The following PSD3 variants were observed in gnomAD, a reference collection of about 807,000 sequenced individuals.
PSD3 encodes the protein PH and SEC7 domain-containing protein 3.
In PSD3, 49 loss-of-function variants were observed where a neutral mutation model predicts 105.5. The ratio of observed to expected loss-of-function variants is 0.46; its 90% CI spans 0.37 to 0.59. PSD3 has a LOEUF of 0.59. Among genes scored for constraint, PSD3 ranks in the 20% least tolerant of loss-of-function variants. The pLI, the probability that PSD3 is intolerant of heterozygous loss-of-function variation, is 0.00. For missense variants in PSD3, 1,561 were observed against 1,263.8 expected (o/e 1.24, Z -3.57); for synonymous variants, 557 against 457.8 (o/e 1.22, Z -2.77).
intron 2 of PSD3, among the ~76,000 whole-genome samples, chr8:18,934,551 C>T (rs1253446120): frequency 1.3e-5 from 2 of 152,266 alleles, no homozygotes; most frequent in South Asian, 2.1e-4. Context: ...GCTGTGACTA[C>T]AGGCACCTGC....
chr8:18,612,945 C>T (rs571721288), intron 11 of PSD3, among the ~76,000 whole-genome samples: 9 of 152,070 alleles, frequency 5.9e-5, no homozygotes, highest in Non-Finnish European at 7.3e-5. Context: ...GGCCAGGAGA[C>T]GGTTTCACTG....
At chr8:18,668,373 C>T (rs1393772095) in intron 9 of PSD3, among the ~76,000 whole-genome samples, 2 of 152,214 alleles carry the variant, frequency 1.3e-5, no homozygotes, top group Non-Finnish European at 2.9e-5. Context: ...TCTGACGCTG[C>T]GATGATGTTC....
At chr8:18,610,696 A>T (rs185496833) in intron 11 of PSD3, among the ~76,000 whole-genome samples, 61 of 152,348 alleles carry the variant, frequency 4.0e-4, no homozygotes, top group African/African-American at 1.3e-3. Flanking sequence ...ATAGAGAATA[A>T]GAAATGAAAA....
intron 2 of PSD3, among the ~76,000 whole-genome samples, chr8:18,887,596 T>C (rs1211523594): frequency 6.6e-6 from 1 of 152,222 alleles, no homozygotes; most frequent in Non-Finnish European, 1.5e-5. Context: ...GATATTGTAA[T>C]ATTATTGATA....
Position 18,872,574 on chromosome 8 carries a change from A to G in PSD3, c.290T>C (p.Leu97Pro). 1 of 1,614,100 alleles carries G rather than the reference A, an allele frequency of 6.2e-7. No individual in the cohort carries two copies. Among genetic ancestry groups the G allele is most frequent in the Non-Finnish European group, 8.5e-7 (1 of 1,179,994 alleles). Residue 97 changes from leucine (L) to proline (P), a missense_variant, in exon 3 of 16, where the codon CTT (leucine) becomes CCT (proline). Coordinates refer to ENST00000327040, the MANE Select transcript of PSD3 (RefSeq NM_015310.4). ...HPQEQQGVQP[L>P]TGCHSGLDSV... is the part of the protein sequence containing the mutation. Reference sequence around the variant, plus strand: ...GTCGAGCCCAGAGTGGCAGCCAGTAAGAGGCTGGACACCCTGCTGCTCTTG... The same window carrying G: ...GTCGAGCCCAGAGTGGCAGCCAGTAGGAGGCTGGACACCCTGCTGCTCTTG...
At chr8:18,623,598 T>C (rs1463607104) in intron 11 of PSD3, among the ~76,000 whole-genome samples, 1 of 149,484 alleles carries the variant, frequency 6.7e-6, no homozygotes, top group African/African-American at 2.5e-5. Context: ...TACAATTGCA[T>C]GTACCACTGT....
chr8:18,835,703 G>A (rs1814049858), intron 4 of PSD3, among the ~76,000 whole-genome samples: 1 of 152,204 alleles, frequency 6.6e-6, no homozygotes, highest in African/African-American at 2.4e-5. Context: ...TGTGAAGTGG[G>A]AGAGCAGGGC....
chr8:18,668,034 C>T (rs1377357016), intron 9 of PSD3, among the ~76,000 whole-genome samples: 3 of 152,314 alleles, frequency 2.0e-5, no homozygotes, highest in African/African-American at 4.8e-5. Flanking sequence ...GCAAGCTCCG[C>T]GCGCAACCCG....
At chr8:19,070,804 T>A (rs966325710) in intron 1 of PSD3, among the ~76,000 whole-genome samples, 1 of 152,232 alleles carries the variant, frequency 6.6e-6, no homozygotes, top group African/African-American at 2.4e-5. Flanking sequence ...TTTAAATCAC[T>A]GGAACTCAGC....
chr8:19,013,855 A>T (rs1300138946), upstream of PSD3, among the ~76,000 whole-genome samples: 1 of 86,580 alleles, frequency 1.2e-5, no homozygotes, highest in Non-Finnish European at 2.6e-5. Context: ...GAGGGCGGAG[A>T]GGCGGGGCCG....
At chr8:18,752,303 T>A (rs1398271413) in intron 9 of PSD3, among the ~76,000 whole-genome samples, 2 of 149,292 alleles carry the variant, frequency 1.3e-5, no homozygotes, top group East Asian at 4.0e-4. Context: ...TAATGAGTAT[T>A]TGTTGAGTAT....
chr8:18,604,402 G>A (rs149472362), intron 11 of PSD3, among the ~76,000 whole-genome samples: 6 of 152,180 alleles, frequency 3.9e-5, no homozygotes, highest in Non-Finnish European at 8.8e-5. Context: ...AGCAGGAAAA[G>A]TGCTCAAGAT....
At position 18,961,491 on chromosome 8, in the gene PSD3, C is replaced by T. The variant is rs565916503; in HGVS notation, c.22-25349G>A. ...ATCATCTAAGGTCAGGAGTTCAAGA[C>T]CAGCCTGGCCAACATGATGAAACCC... On this transcript the variant is annotated intron_variant, in intron 1 of 15. Transcript: ENST00000327040. 1.1e-4 allele frequency among the ~76,000 whole-genome samples: 17 copies of T among 152,246 alleles called. 1 individual carries two copies. The South Asian group carries it at 3.1e-3, about 28-fold the overall frequency.
intron 15 of PSD3, among the ~76,000 whole-genome samples, chr8:18,542,535 C>T (rs1188497923): frequency 1.3e-5 from 2 of 152,124 alleles, no homozygotes; most frequent in Non-Finnish European, 2.9e-5. Context: ...TCTGAAACAG[C>T]AACAATATGT....
chr8:18,777,556 A>C (rs565734374), intron 8 of PSD3, among the ~76,000 whole-genome samples: 2 of 152,310 alleles, frequency 1.3e-5, no homozygotes, highest in Admixed American at 6.5e-5. Flanking sequence ...CATAATAACT[A>C]TACATATTTA....
chr8:18,674,953 T>C (rs1008671730), intron 9 of PSD3, among the ~76,000 whole-genome samples: 5 of 152,050 alleles, frequency 3.3e-5, no homozygotes, highest in African/African-American at 1.2e-4. Context: ...GTGAGGTATG[T>C]TCTTACTACT....
intron 7 of PSD3, 45 bp from the exon 8 acceptor site, chr8:18,799,398 T>G (rs1464806498): frequency 7.0e-7 from 1 of 1,429,186 alleles, no homozygotes; most frequent in African/African-American, 1.4e-5. Flanking sequence ...CGCTTTTCAC[T>G]GTTGGACTCC....
At chr8:18,909,452 T>C (rs1820060425) in intron 2 of PSD3, among the ~76,000 whole-genome samples, 1 of 152,140 alleles carries the variant, frequency 6.6e-6, no homozygotes, top group Non-Finnish European at 1.5e-5. Context: ...TCGGCTATTT[T>C]GTATTTTTCT....
rs188867987 is a variant in PSD3 at position 18,933,117 on chromosome 8, C to T, written c.130+2917G>A. 7.3e-3 allele frequency among the ~76,000 whole-genome samples: 1,106 copies of T among 152,330 alleles called. 9 individuals are homozygous for T. Among genetic ancestry groups the T allele is most frequent in the Middle Eastern group, 0.02 (6 of 294 alleles). On this transcript the variant is annotated intron_variant, in intron 2 of 15. Coordinates refer to ENST00000327040, the MANE Select transcript of PSD3 (RefSeq NM_015310.4). Reference sequence around the variant, plus strand: ...CTCATTAAATGTATTTGTTCAACAACGCATGCATCCTGTCACACCTACAGC... The same window carrying T: ...CTCATTAAATGTATTTGTTCAACAATGCATGCATCCTGTCACACCTACAGC...
Sources: gnomAD v4.1 joint callset for allele counts (sites outside exome capture counted in the v4.1 genomes callset) on GRCh38, gnomAD v4.1.1 for gene constraint, MANE v1.5 for transcripts, NCBI Gene and HGNC (gene_info 2026-07-23, HGNC 2026-07-21) for gene names.